BRINP2: variants seen among roughly 807,000 people sequenced by gnomAD.
BRINP2 encodes BMP/retinoic acid-inducible neural-specific protein 2.
A neutral mutation model predicts 69.2 loss-of-function variants in BRINP2; 21 were observed. That is an observed-to-expected ratio of 0.30 (90% confidence interval 0.22 to 0.44). The LOEUF (loss-of-function observed/expected upper bound fraction) is 0.44. Among genes scored for constraint, BRINP2 ranks in the 20% least tolerant of loss-of-function variants. The pLI, the probability that BRINP2 is intolerant of heterozygous loss-of-function variation, is 1.00. For synonymous variants in BRINP2, 380 were observed against 394.1 expected (o/e 0.96, Z 0.42); for missense variants, 877 against 986.0 (o/e 0.89, Z 1.48).
At chr1:177,177,166 A>C (rs1472570936) in intron 1 of BRINP2, among the ~76,000 whole-genome samples, 1 of 152,096 alleles carries the variant, frequency 6.6e-6, no homozygotes, top group Non-Finnish European at 1.5e-5. Context: ...CTGTAATTCC[A>C]GCTGCTTGGG....
chr1:177,269,069 C>T (rs182863510), intron 4 of BRINP2, among the ~76,000 whole-genome samples: 3 of 152,218 alleles, frequency 2.0e-5, no homozygotes, highest in East Asian at 3.9e-4. Flanking sequence ...TCACTCCAAC[C>T]CCCATGTACT....
chr1:177,171,292 C>T lies in BRINP2; in HGVS notation c.-517C>T, dbSNP rs146812772. Reference sequence around the variant, plus strand: ...GAAGGCAAAATCTTGGGTTTCTCCTCGGCGGAGGGACAGGGGACTCCCCCA... The same window carrying T: ...GAAGGCAAAATCTTGGGTTTCTCCTTGGCGGAGGGACAGGGGACTCCCCCA... On this transcript the variant is annotated 5_prime_UTR_variant, in exon 1 of 8. Transcript: ENST00000361539. Among the ~76,000 whole-genome samples the T allele has an allele frequency of 1.3e-5, 2 of 152,190 alleles. No individual in the cohort carries two copies. Among genetic ancestry groups the T allele is most frequent in the Non-Finnish European group, 2.9e-5 (2 of 68,030 alleles).
At chr1:177,238,442 C>T (rs1650097840) in intron 2 of BRINP2, among the ~76,000 whole-genome samples, 1 of 152,196 alleles carries the variant, frequency 6.6e-6, no homozygotes, top group Non-Finnish European at 1.5e-5. Context: ...CTAAGTGAAG[C>T]AACTAGAGAA....
intron 1 of BRINP2, among the ~76,000 whole-genome samples, chr1:177,215,356 T>C (rs1365057336): frequency 6.6e-6 from 1 of 152,220 alleles, no homozygotes; most frequent in African/African-American, 2.4e-5. Flanking sequence ...ATGGACATTT[T>C]CACAACATTT....
At chr1:177,269,055 G>GTCT (rs1439340921) in intron 4 of BRINP2, among the ~76,000 whole-genome samples, 1 of 152,140 alleles carries the variant, frequency 6.6e-6, no homozygotes, top group Non-Finnish European at 1.5e-5. Flanking sequence ...CCAGTGAATA[G>GTCT]TCTTCACTCC....
chr1:177,212,927 T>A (rs1040676392), intron 1 of BRINP2, among the ~76,000 whole-genome samples: 1 of 152,212 alleles, frequency 6.6e-6, no homozygotes, highest in African/African-American at 2.4e-5. Context: ...CTACTGGGTA[T>A]AATACCTACC....
chr1:177,182,671 G>A (rs558311334), intron 1 of BRINP2, among the ~76,000 whole-genome samples: 58 of 152,192 alleles, frequency 3.8e-4, no homozygotes, highest in Admixed American at 3.5e-3. Flanking sequence ...TTTTGCTCTC[G>A]TATGTGACGA....
Position 177,281,572 on chromosome 1 carries a change from T to A in BRINP2, c.*44T>A. 1 of 1,536,146 alleles carries A rather than the reference T, an allele frequency of 6.5e-7. No homozygotes were observed. Among genetic ancestry groups the A allele is most frequent in the Non-Finnish European group, 8.7e-7 (1 of 1,149,526 alleles). On this transcript the variant is annotated 3_prime_UTR_variant, in exon 8 of 8. Coordinates refer to ENST00000361539, the MANE Select transcript of BRINP2 (RefSeq NM_021165.4). Reference sequence around the variant, plus strand: ...ACTGGGCAAGGAGGGGATCCATGAATCTGGGGTACAAAGATAATCTAAGCC... The same window carrying A: ...ACTGGGCAAGGAGGGGATCCATGAAACTGGGGTACAAAGATAATCTAAGCC...
intron 1 of BRINP2, among the ~76,000 whole-genome samples, chr1:177,201,267 A>G (rs1230722900): frequency 6.6e-6 from 1 of 152,260 alleles, no homozygotes; most frequent in African/African-American, 2.4e-5. Flanking sequence ...TAAACTGATG[A>G]TGGCACAGCT....
intron 2 of BRINP2, among the ~76,000 whole-genome samples, chr1:177,236,569 G>C (rs1650034557): frequency 6.6e-6 from 1 of 152,244 alleles, no homozygotes; most frequent in East Asian, 1.9e-4. Flanking sequence ...AGGTTGACAG[G>C]GTTCTTGATC....
In BRINP2 at chr1:177,198,617, G is replaced by A. The variant is rs1458987639; in HGVS notation, c.-77+26885G>A. 1.3e-5 allele frequency among the ~76,000 whole-genome samples: 2 copies of A among 152,184 alleles called. 1 individual carries two copies. Among genetic ancestry groups the A allele is most frequent in the East Asian group, 3.8e-4 (2 of 5,202 alleles). On this transcript the variant is annotated intron_variant, in intron 1 of 7. Coordinates refer to ENST00000361539, the MANE Select transcript of BRINP2 (RefSeq NM_021165.4). ...AAAATGGGCAAAGGAAAACAGATGA[G>A]CATAGAAGAACTAGCCAGAGAAGAG...
At chr1:177,179,605 TCTCA>T (rs1648190522) in intron 1 of BRINP2, among the ~76,000 whole-genome samples, 1 of 152,094 alleles carries the variant, frequency 6.6e-6, no homozygotes, top group South Asian at 2.1e-4. Context: ...ACACTCTTTC[TCTCA>T]CACACACACA....
Position 177,230,119 on chromosome 1 carries a change from T to C in BRINP2, c.243T>C (p.Gly81=), listed in dbSNP as rs766803056. 2 of 1,611,356 alleles carry C rather than the reference T, an allele frequency of 1.2e-6. No individual in the cohort carries two copies. The highest frequency in any genetic ancestry group is 1.1e-5 in the South Asian group (1 of 90,760). ...YADFMERYRQ[G]FTTRYRIYRE... ...ACTTCATGGAGCGGTACCGCCAGGG[T>C]TTCACCACCAGGTACAGGATTTATA... Residue 81 remains glycine (G), a synonymous_variant, in exon 2 of 8, where the codon GGT becomes GGC. Coordinates refer to ENST00000361539, the MANE Select transcript of BRINP2 (RefSeq NM_021165.4).
At chr1:177,264,855 A>G (rs1651068746) in intron 4 of BRINP2, among the ~76,000 whole-genome samples, 1 of 152,256 alleles carries the variant, frequency 6.6e-6, no homozygotes, top group South Asian at 2.1e-4. Flanking sequence ...GGAAGAATCA[A>G]TATCATGAAA....
At chr1:177,267,375 T>C (rs1016285947) in intron 4 of BRINP2, among the ~76,000 whole-genome samples, 7 of 152,224 alleles carry the variant, frequency 4.6e-5, no homozygotes, top group Non-Finnish European at 1.0e-4. Context: ...AGATCTTTTA[T>C]CTATTTATTC....
At chr1:177,172,475 A>G (rs1190541303) in intron 1 of BRINP2, among the ~76,000 whole-genome samples, 1 of 152,136 alleles carries the variant, frequency 6.6e-6, no homozygotes, top group East Asian at 1.9e-4. Context: ...TTGTGCTCAC[A>G]GCTGTATGCA....
At chr1:177,273,112 G>A (rs1186404283) in intron 4 of BRINP2, among the ~76,000 whole-genome samples, 1 of 152,166 alleles carries the variant, frequency 6.6e-6, no homozygotes, top group Non-Finnish European at 1.5e-5. Flanking sequence ...GGATGCAGCT[G>A]GGCTTTCCAG....
intron 2 of BRINP2, among the ~76,000 whole-genome samples, chr1:177,235,661 G>A (rs530090110): frequency 6.6e-5 from 10 of 152,258 alleles, no homozygotes; most frequent in Non-Finnish European, 1.0e-4. Context: ...GATAAACAGC[G>A]AACCCTGGGA....
chr1:177,190,271 C>T (rs1244322006), intron 1 of BRINP2, among the ~76,000 whole-genome samples: 1 of 152,168 alleles, frequency 6.6e-6, no homozygotes, highest in African/African-American at 2.4e-5. Context: ...GTTTCTGAAC[C>T]TGTCTCTCTC....
Sources: gnomAD v4.1 joint callset for allele counts (sites outside exome capture counted in the v4.1 genomes callset) on GRCh38, gnomAD v4.1.1 for gene constraint, MANE v1.5 for transcripts, NCBI Gene and HGNC (gene_info 2026-07-23, HGNC 2026-07-21) for gene names.